SEC61A2: variants seen among roughly 807,000 people sequenced by gnomAD.
The protein encoded by SEC61A2 is SEC61 translocon subunit alpha 2.
Under a neutral mutation model 59.9 loss-of-function variants are expected in SEC61A2, and 28 were observed. That is an observed-to-expected ratio of 0.47 (90% confidence interval 0.35 to 0.64). The LOEUF (loss-of-function observed/expected upper bound fraction) is 0.64, where lower values mean the gene tolerates loss of function less well. Among genes scored for constraint, SEC61A2 ranks in the 30% least tolerant of loss-of-function variants. The pLI, the probability that SEC61A2 is intolerant of heterozygous loss-of-function variation, is 0.01. For missense variants in SEC61A2, 340 were observed against 585.9 expected, an observed-to-expected ratio of 0.58 and a Z score of 4.33; for synonymous variants, 202 against 214.4, an observed-to-expected ratio of 0.94 and a Z score of 0.50.
At position 12,164,307 on chromosome 10, in the gene SEC61A2, T is replaced by C; in HGVS notation, c.1284T>C (p.Ile428=). ...CAGCTGCGTTTGGCGGTTTGTGCAT[T>C]GGCGCCCTGTCAGTGCTGGCTGACT... ...PTAAAFGGLC[I]GALSVLADFL... Residue 428 remains isoleucine, a synonymous_variant, in exon 12 of 12, where the codon ATT becomes ATC. Coordinates refer to ENST00000298428, the MANE Select transcript of SEC61A2 (RefSeq NM_018144.4). The surrounding 1 kb of genome is among the most constrained non-coding windows in gnomAD (Gnocchi z 7.3). 1 of 1,613,806 alleles carries C rather than the reference T, an allele frequency of 6.2e-7. No individual in the cohort carries two copies. Among genetic ancestry groups the C allele is most frequent in the Non-Finnish European group, 8.5e-7 (1 of 1,180,030 alleles).
intron 9 of SEC61A2, among the ~76,000 whole-genome samples, chr10:12,159,148 T>G (rs1834475668): frequency 6.6e-6 from 1 of 151,930 alleles, no homozygotes; most frequent in African/African-American, 2.4e-5. Flanking sequence ...CAGCTAATTT[T>G]TTGTATTTTT....
In SEC61A2 at chr10:12,155,190, A is replaced by G. The variant is rs1393516598; in HGVS notation, c.463-588A>G. The G allele has an allele frequency of 1.9e-6, 1 of 527,928 alleles. No homozygotes were observed. The highest frequency in any genetic ancestry group is 2.9e-6 in the Non-Finnish European group (1 of 339,728). The allele number at this position is 527,928 out of a possible 1,614,324, so 32.7% of individuals were successfully genotyped here. A position where few individuals can be genotyped will look rare whatever the true frequency, so the allele number is the denominator to read the frequency against. ...CAATCTTTGTCACTATGTGTATAGA[A>G]TGCATTTTTACATTGCTGCTCGAGT... On this transcript the variant is annotated intron_variant, in intron 6 of 11. Transcript: ENST00000298428. This position sits in a 1 kb window ranked among gnomAD's most constrained non-coding sequence, Gnocchi z 4.3.
In SEC61A2 at chr10:12,155,491, C is replaced by G; in HGVS notation, c.463-287C>G. The G allele has an allele frequency of 1.3e-6, 1 of 762,940 alleles. No homozygotes were observed. The highest frequency in any genetic ancestry group is 2.0e-6 in the Non-Finnish European group (1 of 495,280). 47.3% of individuals were successfully genotyped at this position (762,940 alleles called of 1,614,324 possible). On this transcript the variant is annotated intron_variant, in intron 6 of 11. Transcript: ENST00000298428. This position sits in a 1 kb window ranked among gnomAD's most constrained non-coding sequence, Gnocchi z 4.3. ...TGTTTCAGTGTGCTTTTCAAACAGG[C>G]TTTATTTAAACATTGCAAAAGAAAC...
rs1834373277 is a variant in SEC61A2, at chr10:12,155,379, T to A, written c.463-399T>A. Reference sequence around the variant, plus strand: ...TTTCCATCTTGCTATTATACCAGAATTCATCTGACTTTTTACTTCCTTGGA... The same window carrying A: ...TTTCCATCTTGCTATTATACCAGAAATCATCTGACTTTTTACTTCCTTGGA... On this transcript the variant is annotated intron_variant, in intron 6 of 11. Transcript: ENST00000298428. The surrounding 1 kb of genome is among the most constrained non-coding windows in gnomAD (Gnocchi z 4.3). 6.5e-7 allele frequency: 1 copy of A among 1,547,646 alleles called. No homozygotes were observed. The highest frequency in any genetic ancestry group is 2.0e-5 in the Admixed American group (1 of 49,568).
At position 12,156,981 on chromosome 10, in the gene SEC61A2, C is replaced by T; in HGVS notation, c.691C>T (p.Arg231Trp). 5 of 1,613,992 alleles carry T rather than the reference C, an allele frequency of 3.1e-6. No individual in the cohort carries two copies. Among genetic ancestry groups the T allele is most frequent in the East Asian group, 2.2e-5 (1 of 44,880 alleles). ...ATRTDKVRALREAFYRQNLPN... is the reference protein window; with the variant it reads ...ATRTDKVRALWEAFYRQNLPN... The stretch of plus-strand genomic sequence containing the variant: ...CAGGACGGACAAAGTCCGAGCTTTA[C>T]GGGAGGCTTTTTATCGGCAGAACTT... Residue 231 changes from arginine to tryptophan, a missense_variant, in exon 8 of 12, where the codon CGG (arginine) becomes TGG (tryptophan). Physicochemically the swap from Arg to Trp is moderately radical, Grantham distance 101. Coordinates refer to ENST00000298428, the MANE Select transcript of SEC61A2 (RefSeq NM_018144.4). This position sits in a 1 kb window ranked among gnomAD's most constrained non-coding sequence, Gnocchi z 5.2.
Position 12,129,886 on chromosome 10 carries a change from TG to T in SEC61A2, c.7+97del. 2.5e-6 allele frequency: 3 copies of T among 1,185,180 alleles called. No individual in the cohort carries two copies. Among genetic ancestry groups the T allele is most frequent in the Non-Finnish European group, 3.3e-6 (3 of 917,576 alleles). The allele number at this position is 1,185,180 out of a possible 1,614,324, so 73.4% of individuals were successfully genotyped here. Reference sequence around the variant, plus strand: ...TGGGGCTGGCGCTCGCTCGGAGTCGTGGGGGCCAGGGATGCGCGGGCCGCTC... The same window carrying T: ...TGGGGCTGGCGCTCGCTCGGAGTCGTGGGGCCAGGGATGCGCGGGCCGCTC... On this transcript the variant is annotated intron_variant, in intron 1 of 11. Transcript: ENST00000298428. The surrounding 1 kb of genome is among the most constrained non-coding windows in gnomAD (Gnocchi z 5.6).
intron 3 of SEC61A2, among the ~76,000 whole-genome samples, chr10:12,141,198 C>T (rs1350771874): frequency 1.3e-5 from 2 of 152,144 alleles, no homozygotes; most frequent in Admixed American, 1.3e-4. Context: ...TCGTGCCTGG[C>T]CCTCACCTCT....
chr10:12,137,064 T>C (rs559445476), intron 3 of SEC61A2, among the ~76,000 whole-genome samples: 10 of 151,726 alleles, frequency 6.6e-5, no homozygotes, highest in African/African-American at 2.4e-4. Flanking sequence ...CCACACCCTT[T>C]TTTATCTGGC....
intron 4 of SEC61A2, among the ~76,000 whole-genome samples, chr10:12,144,877 C>G (rs546027995): frequency 6.6e-6 from 1 of 152,180 alleles, no homozygotes; most frequent in South Asian, 2.1e-4. Context: ...AAGTGAGACC[C>G]CATCTCTACT....
intron 8 of SEC61A2, 40 bp from the exon 9 acceptor site, chr10:12,157,868 G>T: frequency 6.4e-7 from 1 of 1,570,810 alleles, no homozygotes; most frequent in Non-Finnish European, 8.8e-7. Context: ...TTTTCTTAAT[G>T]TGTCTGGCTC....
chr10:12,132,613 C>CA (rs58070623), intron 1 of SEC61A2, among the ~76,000 whole-genome samples: 3,367 of 135,190 alleles, frequency 0.025, 75 homozygotes, highest in Non-Finnish European at 0.034. Context: ...GACTCTGTCT[C>CA]AAAAAAAAAA....
chr10:12,158,981 C>CTT lies in SEC61A2; in HGVS notation c.975+889_975+890dup, dbSNP rs1159151464. 1.3e-4 allele frequency among the ~76,000 whole-genome samples: 18 copies of CTT among 140,168 alleles called. No individual in the cohort carries two copies. Among genetic ancestry groups the CTT allele is most frequent in the African/African-American group, 3.4e-4 (13 of 38,048 alleles). The allele number at this position is 140,168 out of a possible 152,430, so 92.0% of individuals were successfully genotyped here. ...ACATCCCCCATCATAATTTTTTTTT[C>CTT]TTTTTTTTTTTTTTGAGACGGAGTC... On this transcript the variant is annotated intron_variant, in intron 9 of 11. Coordinates refer to ENST00000298428, the MANE Select transcript of SEC61A2 (RefSeq NM_018144.4). This position sits in a 1 kb window ranked among gnomAD's most constrained non-coding sequence, Gnocchi z 5.7.
At chr10:12,137,956 A>T (rs1662057032) in intron 3 of SEC61A2, among the ~76,000 whole-genome samples, 1 of 152,200 alleles carries the variant, frequency 6.6e-6, no homozygotes, top group African/African-American at 2.4e-5. Context: ...CAGTGAGCTG[A>T]GATCACGCCA....
intron 2 of SEC61A2, among the ~76,000 whole-genome samples, chr10:12,134,779 G>A (rs1483080182): frequency 1.3e-5 from 2 of 151,956 alleles, no homozygotes; most frequent in Non-Finnish European, 2.9e-5. Flanking sequence ...TTAGCTGGGC[G>A]TGGTGGCGTG....
intron 2 of SEC61A2, among the ~76,000 whole-genome samples, chr10:12,135,199 G>A (rs777282915): frequency 1.3e-5 from 2 of 152,038 alleles, no homozygotes; most frequent in Non-Finnish European, 2.9e-5. Flanking sequence ...ACTAATGCAT[G>A]CGGGGCTTAA....
Position 12,158,190 on chromosome 10 carries a change from T to A in SEC61A2, c.975+85T>A, listed in dbSNP as rs1049877411. ...TATTTTTAATGGAATGAGGTCGACA[T>A]TGGAGCATTTGCTGTATTTTCAGAT... On this transcript the variant is annotated intron_variant, in intron 9 of 11. Transcript: ENST00000298428. The surrounding 1 kb of genome is among the most constrained non-coding windows in gnomAD (Gnocchi z 5.7). The A allele has an allele frequency of 9.6e-7, 1 of 1,045,402 alleles. No individual in the cohort carries two copies. The allele number at this position is 1,045,402 out of a possible 1,614,324, so 64.8% of individuals were successfully genotyped here.
Position 12,158,215 on chromosome 10 carries a change from T to C in SEC61A2, c.975+110T>C. 1.2e-6 allele frequency: 1 copy of C among 862,486 alleles called. No homozygotes were observed. The highest frequency in any genetic ancestry group is 2.4e-5 in the Admixed American group (1 of 41,092). 53.4% of individuals were successfully genotyped at this position (862,486 alleles called of 1,614,324 possible). On this transcript the variant is annotated intron_variant, in intron 9 of 11. Coordinates refer to ENST00000298428, the MANE Select transcript of SEC61A2 (RefSeq NM_018144.4). The surrounding 1 kb of genome is among the most constrained non-coding windows in gnomAD (Gnocchi z 5.7). Reference sequence around the variant, plus strand: ...TTGGAGCATTTGCTGTATTTTCAGATTCACTTACCTATATAGCAGAGTTTA... The same window carrying C: ...TTGGAGCATTTGCTGTATTTTCAGACTCACTTACCTATATAGCAGAGTTTA...
At chr10:12,169,950 C>T, downstream of SEC61A2, 1 of 607,076 alleles carries the variant, frequency 1.6e-6, no homozygotes, top group East Asian at 2.6e-5. This position sits in a 1 kb window ranked among gnomAD's most constrained non-coding sequence, Gnocchi z 4.8. Context: ...TAAAATATTC[C>T]CATGATGACA....
At position 12,155,639 on chromosome 10, in the gene SEC61A2, G is replaced by A; in HGVS notation, c.463-139G>A. Reference sequence around the variant, plus strand: ...AAATGAAAGCAGGCCAAAAGATGCAGTTGGTCATCACAGTGAGATTGCAAC... The same window carrying A: ...AAATGAAAGCAGGCCAAAAGATGCAATTGGTCATCACAGTGAGATTGCAAC... On this transcript the variant is annotated intron_variant, in intron 6 of 11. Coordinates refer to ENST00000298428, the MANE Select transcript of SEC61A2 (RefSeq NM_018144.4). The surrounding 1 kb of genome is among the most constrained non-coding windows in gnomAD (Gnocchi z 4.3). The A allele has an allele frequency of 1.0e-6, 1 of 975,698 alleles. No individual in the cohort carries two copies. The highest frequency in any genetic ancestry group is 1.6e-6 in the Non-Finnish European group (1 of 638,094). 60.4% of individuals were successfully genotyped at this position (975,698 alleles called of 1,614,324 possible). A position where few individuals can be genotyped will look rare whatever the true frequency, so the allele number is the denominator to read the frequency against.
Sources: gnomAD v4.1 joint callset for allele counts (sites outside exome capture counted in the v4.1 genomes callset) on GRCh38, gnomAD v4.1.1 for gene constraint, Gnocchi (gnomAD v3.1) non-coding constraint, MANE v1.5 for transcripts, NCBI Gene and HGNC (gene_info 2026-07-23, HGNC 2026-07-21) for gene names.